The following PRDM5 variants were observed in gnomAD, a reference collection of about 807,000 sequenced individuals.
PRDM5 encodes PR domain zinc finger protein 5.
In PRDM5, 56 loss-of-function variants were observed where a neutral mutation model predicts 81.2. The ratio of observed to expected loss-of-function variants is 0.69; its 90% CI spans 0.56 to 0.86. The LOEUF is 0.86. PRDM5 is among the 40% of genes least tolerant of loss of function. PRDM5 has a pLI of 0.00. For missense variants in PRDM5, 697 were observed against 770.1 expected (o/e 0.91, Z 1.12); for synonymous variants, 267 against 256.4 (o/e 1.04, Z -0.39).
rs11941229 is a variant in PRDM5, at chr4:120,902,330, T to G, written c.177+5144A>C. 8.1e-3 allele frequency among the ~76,000 whole-genome samples: 1,238 copies of G among 152,298 alleles called. 17 individuals carry two copies. The highest frequency in any genetic ancestry group is 0.028 in the African/African-American group (1,174 of 41,552). ...TGGAGAAAACGTACTTGAATTGTGG[T>G]TTGAAATATCTAAGAAAATATTATA... On this transcript the variant is annotated intron_variant, in intron 2 of 15. Transcript: ENST00000264808.
intron 3 of PRDM5, among the ~76,000 whole-genome samples, chr4:120,821,959 A>C (rs1755346584): frequency 6.6e-6 from 1 of 152,082 alleles, no homozygotes; most frequent in African/African-American, 2.4e-5. Flanking sequence ...AAAAAAAAAA[A>C]AACAAGGTCC....
At chr4:120,881,453 A>G (rs949252795) in intron 2 of PRDM5, among the ~76,000 whole-genome samples, 10 of 152,222 alleles carry the variant, frequency 6.6e-5, no homozygotes, top group African/African-American at 2.4e-4. Flanking sequence ...CACAGAGTCT[A>G]CTTCAAAAAA....
chr4:120,703,310 T>C (rs777799341), intron 15 of PRDM5, among the ~76,000 whole-genome samples: 5 of 152,128 alleles, frequency 3.3e-5, no homozygotes, highest in Admixed American at 6.6e-5. Flanking sequence ...CTCAGCCTTC[T>C]GAATAGCTGA....
chr4:120,841,780 T>C (rs1758065693), intron 3 of PRDM5, among the ~76,000 whole-genome samples: 1 of 152,224 alleles, frequency 6.6e-6, no homozygotes, highest in Non-Finnish European at 1.5e-5. Context: ...AAGTGAGCTT[T>C]CATGTTGTTT....
intron 12 of PRDM5, among the ~76,000 whole-genome samples, chr4:120,779,096 A>G (rs897828848): frequency 2.6e-5 from 4 of 152,152 alleles, no homozygotes; most frequent in African/African-American, 7.2e-5. Flanking sequence ...GTTCATTTAT[A>G]TGACTGCCAT....
At chr4:120,713,042 T>A (rs946869423) in intron 14 of PRDM5, among the ~76,000 whole-genome samples, 8 of 152,214 alleles carry the variant, frequency 5.3e-5, no homozygotes, top group African/African-American at 1.9e-4. Context: ...ACCAAGCTAA[T>A]AAACCATTTT....
Position 120,821,326 on chromosome 4 carries a change from T to G in PRDM5, c.320A>C (p.Tyr107Ser). Residue 107 changes from tyrosine to serine, a missense_variant, in exon 4 of 16, where the codon TAT becomes TCT. By Grantham distance (144) the Tyr-to-Ser change is moderately radical. This residue lies in a region of PRDM5 where 577 missense variants were observed against 606.7 expected (regional missense o/e 0.95). Transcript: ENST00000264808. ...TGTTTCTATATCTTCAACTGCCAAA[T>G]AGAAAATGTTTTCTCCTTCCTGAAA... ...AAIQEGENIF[Y>S]LAVEDIETDT... The G allele has an allele frequency of 6.2e-7, 1 of 1,613,998 alleles. No homozygotes were observed. Among genetic ancestry groups the G allele is most frequent in the Non-Finnish European group, 8.5e-7 (1 of 1,179,960 alleles).
chr4:120,773,515 C>T (rs1196436382), intron 13 of PRDM5, among the ~76,000 whole-genome samples: 2 of 152,124 alleles, frequency 1.3e-5, no homozygotes, highest in Non-Finnish European at 2.9e-5. Flanking sequence ...TTCCAAGTTA[C>T]CTGTAACATG....
intron 2 of PRDM5, among the ~76,000 whole-genome samples, chr4:120,868,509 G>A (rs1225794842): frequency 6.6e-6 from 1 of 152,156 alleles, no homozygotes; most frequent in African/African-American, 2.4e-5. Context: ...AAGGGCCTAT[G>A]AACCTAGAGG....
intron 15 of PRDM5, among the ~76,000 whole-genome samples, chr4:120,699,176 A>G (rs1297097146): frequency 1.3e-5 from 1 of 75,366 alleles, no homozygotes; most frequent in East Asian, 3.0e-4. Flanking sequence ...ATATATATAT[A>G]TATATATATA....
chr4:120,808,415 A>T (rs545446690), intron 8 of PRDM5, among the ~76,000 whole-genome samples: 1 of 152,226 alleles, frequency 6.6e-6, no homozygotes, highest in Non-Finnish European at 1.5e-5. Flanking sequence ...CCTGAGCTAG[A>T]CACAGGGTGC....
chr4:120,890,373 T>C (rs1450828793), intron 2 of PRDM5, among the ~76,000 whole-genome samples: 1 of 152,216 alleles, frequency 6.6e-6, no homozygotes, highest in African/African-American at 2.4e-5. Flanking sequence ...ACTCACCCCA[T>C]GATCCAATCA....
intron 1 of PRDM5, among the ~76,000 whole-genome samples, chr4:120,910,035 T>C (rs910561340): frequency 3.3e-5 from 5 of 151,082 alleles, no homozygotes; most frequent in African/African-American, 4.9e-5. Flanking sequence ...TATAAATTTC[T>C]TCATATTTTC....
chr4:120,719,509 A>C (rs1458711153), intron 14 of PRDM5, among the ~76,000 whole-genome samples: 2 of 152,214 alleles, frequency 1.3e-5, no homozygotes, highest in African/African-American at 4.8e-5. Context: ...TTTGAAAAGC[A>C]CTGGTCTAGA....
intron 3 of PRDM5, among the ~76,000 whole-genome samples, chr4:120,846,149 A>T (rs1453366263): frequency 6.6e-6 from 1 of 152,240 alleles, no homozygotes; most frequent in Non-Finnish European, 1.5e-5. Context: ...TGCTGTGAAC[A>T]TTGTTGAAAT....
At chr4:120,854,270 T>C (rs1759620744) in intron 2 of PRDM5, among the ~76,000 whole-genome samples, 1 of 152,162 alleles carries the variant, frequency 6.6e-6, no homozygotes, top group Non-Finnish European at 1.5e-5. Context: ...GAAATCTAGC[T>C]TCTCCAAAAC....
intron 3 of PRDM5, chr4:120,838,250 C>T (rs957634511): frequency 1.3e-5 from 2 of 152,100 alleles, no homozygotes; most frequent in African/African-American, 4.8e-5. Flanking sequence ...TTCCTTTCCT[C>T]AAGCTGTCTT....
At chr4:120,799,011 A>G (rs1345533812) in intron 9 of PRDM5, among the ~76,000 whole-genome samples, 1 of 152,218 alleles carries the variant, frequency 6.6e-6, no homozygotes, top group Non-Finnish European at 1.5e-5. Flanking sequence ...TGTATCAACA[A>G]CTTGCATATT....
chr4:120,724,497 GTC>G (rs978083746), intron 14 of PRDM5, among the ~76,000 whole-genome samples: 5 of 152,130 alleles, frequency 3.3e-5, no homozygotes, highest in African/African-American at 9.7e-5. Context: ...ATTCAACATA[GTC>G]ACAGACTCTT....
Sources: allele counts gnomAD v4.1 joint callset (sites outside exome capture counted in the v4.1 genomes callset), GRCh38; gene constraint gnomAD v4.1.1; regional missense constraint gnomAD v4.1.1; transcripts MANE v1.5; gene names NCBI Gene and HGNC (gene_info 2026-07-23, HGNC 2026-07-21).